The following KCTD16 variants were observed in gnomAD, a reference collection of about 807,000 sequenced individuals.
KCTD16 encodes potassium channel tetramerization domain containing 16.
Under a neutral mutation model 33.2 loss-of-function variants are expected in KCTD16, and 13 were observed. The observed-to-expected ratio is 0.39, with a 90% confidence interval of 0.25 to 0.62. The LOEUF is 0.62. KCTD16 is among the 20% of genes least tolerant of loss of function. The probability of loss-of-function intolerance (pLI) is 0.50; values close to 1 mark genes in which losing one functional copy is unlikely to be tolerated. For missense variants in KCTD16, 441 were observed against 525.1 expected (o/e 0.84, Z 1.57); for synonymous variants, 197 against 195.3 (o/e 1.01, Z -0.07).
chr5:144,452,182 G>A (rs1356256025), intron 3 of KCTD16, among the ~76,000 whole-genome samples: 2 of 143,526 alleles, frequency 1.4e-5, no homozygotes, highest in African/African-American at 5.8e-5. Flanking sequence ...CACTCTCTAA[G>A]AGGTAGTTTG....
chr5:144,189,428 G>A (rs1019392651), intron 2 of KCTD16, among the ~76,000 whole-genome samples: 3 of 151,592 alleles, frequency 2.0e-5, no homozygotes, highest in Admixed American at 1.3e-4. Context: ...CCTGGGAGGC[G>A]GAGCTTGCAG....
chr5:144,354,584 A>G (rs1751529817), intron 3 of KCTD16, among the ~76,000 whole-genome samples: 1 of 152,188 alleles, frequency 6.6e-6, no homozygotes, highest in Non-Finnish European at 1.5e-5. Context: ...ACAATAATAA[A>G]CTGTAAAACA....
At chr5:144,267,239 C>G (rs1326307435) in intron 3 of KCTD16, among the ~76,000 whole-genome samples, 1 of 152,070 alleles carries the variant, frequency 6.6e-6, no homozygotes, top group Non-Finnish European at 1.5e-5. Context: ...GAACCTATGC[C>G]CCACCGTATA....
At chr5:144,383,900 A>G (rs1403015810) in intron 3 of KCTD16, among the ~76,000 whole-genome samples, 1 of 152,236 alleles carries the variant, frequency 6.6e-6, no homozygotes, top group African/African-American at 2.4e-5. Context: ...AACCAATATT[A>G]TAAAAAATAC....
At chr5:144,301,290 A>G (rs1751432414) in intron 3 of KCTD16, among the ~76,000 whole-genome samples, 1 of 151,786 alleles carries the variant, frequency 6.6e-6, no homozygotes, top group Non-Finnish European at 1.5e-5. Context: ...ATGCAATGCT[A>G]TAGGAAATGG....
At position 144,484,406 on chromosome 5, in the gene KCTD16, A is replaced by G. The variant is rs1029562024; in HGVS notation, c.*10292A>G. On this transcript the variant is annotated 3_prime_UTR_variant, in exon 4 of 4. Transcript: ENST00000512467. The stretch of plus-strand genomic sequence containing the variant: ...AGGAATCTTTGTGTTGGCTGAAGGA[A>G]CTTAGTAATCTTAGTTGAATTCCTC... 1.3e-5 allele frequency: 2 copies of G among 151,934 alleles called. No homozygotes were observed. The highest frequency in any genetic ancestry group is 4.8e-5 in the African/African-American group (2 of 41,416). The allele number at this position is 151,934 out of a possible 1,614,324, so 9.4% of individuals were successfully genotyped here.
intron 3 of KCTD16, among the ~76,000 whole-genome samples, chr5:144,338,880 T>C (rs1752557936): frequency 1.3e-5 from 2 of 152,200 alleles, no homozygotes; most frequent in African/African-American, 2.4e-5. Context: ...TATGAGATCC[T>C]TTGGAACCAG....
chr5:144,472,874 G>A (rs1314364974), intron 3 of KCTD16, among the ~76,000 whole-genome samples: 2 of 152,166 alleles, frequency 1.3e-5, no homozygotes, highest in African/African-American at 4.8e-5. Flanking sequence ...TAGAAGCAAC[G>A]ATTTTACTAA....
intron 3 of KCTD16, among the ~76,000 whole-genome samples, chr5:144,342,770 T>A (rs1475812712): frequency 6.6e-6 from 1 of 152,226 alleles, no homozygotes; most frequent in Non-Finnish European, 1.5e-5. Flanking sequence ...CCTAGTTTAT[T>A]GAGAGTTTTT....
intron 3 of KCTD16, among the ~76,000 whole-genome samples, chr5:144,213,209 ATATT>A (rs1388394179): frequency 6.6e-6 from 1 of 151,520 alleles, no homozygotes; most frequent in Non-Finnish European, 1.5e-5. Context: ...ATATTATATT[ATATT>A]TGTTTGCTAA....
intron 3 of KCTD16, among the ~76,000 whole-genome samples, chr5:144,371,758 T>A (rs190482311): frequency 4.6e-5 from 7 of 152,064 alleles, no homozygotes; most frequent in South Asian, 2.1e-4. Flanking sequence ...AATTTAGATC[T>A]AAGAAATACT....
At chr5:144,432,492 A>T (rs1428091874) in intron 3 of KCTD16, among the ~76,000 whole-genome samples, 1 of 152,188 alleles carries the variant, frequency 6.6e-6, no homozygotes, top group Non-Finnish European at 1.5e-5. Context: ...CACATATGTT[A>T]TCAGGACTTG....
chr5:144,350,702 C>T (rs1422773442), intron 3 of KCTD16, among the ~76,000 whole-genome samples: 1 of 151,978 alleles, frequency 6.6e-6, no homozygotes, highest in Admixed American at 6.6e-5. Context: ...TTTTTCGCAG[C>T]ATCAGGCAAT....
At chr5:144,176,013 T>G (rs1561518972) in intron 2 of KCTD16, among the ~76,000 whole-genome samples, 1 of 152,168 alleles carries the variant, frequency 6.6e-6, no homozygotes, top group Non-Finnish European at 1.5e-5. Flanking sequence ...TATGGTGGAG[T>G]GTATTAAAAT....
At chr5:144,198,052 A>G (rs991257345) in intron 2 of KCTD16, among the ~76,000 whole-genome samples, 1 of 152,154 alleles carries the variant, frequency 6.6e-6, no homozygotes, top group Non-Finnish European at 1.5e-5. Flanking sequence ...GTGGGTTAAG[A>G]GAGGGTGGTT....
intron 3 of KCTD16, among the ~76,000 whole-genome samples, chr5:144,216,844 GAAAA>G (rs374252586): frequency 8.2e-6 from 1 of 121,216 alleles, no homozygotes. Context: ...ACTCTGTCTG[GAAAA>G]AAAAAAAAAA....
At chr5:144,314,070 A>C (rs1751841775) in intron 3 of KCTD16, among the ~76,000 whole-genome samples, 1 of 152,136 alleles carries the variant, frequency 6.6e-6, no homozygotes, top group Non-Finnish European at 1.5e-5. Context: ...TATATAGCTA[A>C]ACCCTATTTA....
At chr5:144,196,169 A>C (rs1752935531) in intron 2 of KCTD16, among the ~76,000 whole-genome samples, 1 of 152,218 alleles carries the variant, frequency 6.6e-6, no homozygotes, top group African/African-American at 2.4e-5. Flanking sequence ...GACTCCAGCA[A>C]TCTTAGCTGT....
At chr5:144,220,491 C>T (rs1753711967) in intron 3 of KCTD16, among the ~76,000 whole-genome samples, 1 of 152,100 alleles carries the variant, frequency 6.6e-6, no homozygotes, top group African/African-American at 2.4e-5. Context: ...CTATTCTCCC[C>T]ACCTCATGAT....
Sources: allele counts gnomAD v4.1 joint callset (sites outside exome capture counted in the v4.1 genomes callset), GRCh38; gene constraint gnomAD v4.1.1; transcripts MANE v1.5; gene names NCBI Gene and HGNC (gene_info 2026-07-23, HGNC 2026-07-21).